Variants in CAVIN2 observed in about 807,000 individuals in gnomAD.
CAVIN2 encodes caveolae-associated protein 2.
CAVIN2 carries 13 observed loss-of-function variants against 11.7 expected under a neutral mutation model. The ratio of observed to expected loss-of-function variants is 1.11; its 90% confidence interval spans 0.72 to 1.77. The LOEUF (loss-of-function observed/expected upper bound fraction) is 1.77, where lower values mean the gene tolerates loss of function less well. Among genes scored for constraint, CAVIN2 ranks in the 40% most tolerant of loss-of-function variants. The pLI is 0.00. For missense variants in CAVIN2, 549 were observed against 542.9 expected (o/e 1.01, Z -0.11); for synonymous variants, 237 against 223.2 (o/e 1.06, Z -0.55).
Position 191,835,917 on chromosome 2 carries a change from C to G in CAVIN2, c.*6G>C. The stretch of plus-strand genomic sequence containing the variant: ...CACAGCACAGGATGGCACGGTGGCT[C>G]TAAGCTCAGGAGGTCTGGTGCACCT... On this transcript the variant is annotated 3_prime_UTR_variant, in exon 2 of 2. Transcript: ENST00000304141. The G allele has an allele frequency of 6.2e-7, 1 of 1,607,528 alleles. No individual in the cohort carries two copies. The highest frequency in any genetic ancestry group is 2.2e-5 in the East Asian group (1 of 44,844).
chr2:191,834,966 C>G lies in CAVIN2; in HGVS notation c.*957G>C, dbSNP rs1055230876. 6.6e-6 allele frequency: 1 copy of G among 151,938 alleles called. No individual in the cohort carries two copies. Among genetic ancestry groups the G allele is most frequent in the Non-Finnish European group, 1.5e-5 (1 of 67,924 alleles). 9.4% of individuals were successfully genotyped at this position (151,938 alleles called of 1,614,324 possible). ...TAATTGTATTTTGAAGATTTATATTCGTTCCAGTGTTAACAAGACAACATC... is the reference window on the plus strand; with the variant it reads ...TAATTGTATTTTGAAGATTTATATTGGTTCCAGTGTTAACAAGACAACATC... On this transcript the variant is annotated 3_prime_UTR_variant, in exon 2 of 2. Transcript: ENST00000304141.
intron 1 of CAVIN2, among the ~76,000 whole-genome samples, chr2:191,844,774 C>G (rs1690141232): frequency 6.6e-6 from 1 of 152,008 alleles, no homozygotes; most frequent in Non-Finnish European, 1.5e-5. Flanking sequence ...CTAGCATATC[C>G]TCTCCATCCC....
Position 191,835,395 on chromosome 2 carries a change from A to G in CAVIN2, c.*528T>C, listed in dbSNP as rs1689998017. The stretch of plus-strand genomic sequence containing the variant: ...AACAATGGTTTCTAGCAAGTAAACA[A>G]CCAACTGATCATCTCTTTTTACCTT... On this transcript the variant is annotated 3_prime_UTR_variant, in exon 2 of 2. Coordinates refer to ENST00000304141, the MANE Select transcript of CAVIN2 (RefSeq NM_004657.6). 6.6e-6 allele frequency: 1 copy of G among 152,448 alleles called. No homozygotes were observed. Among genetic ancestry groups the G allele is most frequent in the Non-Finnish European group, 1.5e-5 (1 of 68,214 alleles). The allele number at this position is 152,448 out of a possible 1,614,324, so 9.4% of individuals were successfully genotyped here.
At position 191,835,445 on chromosome 2, in the gene CAVIN2, A is replaced by G. The variant is rs1689998724; in HGVS notation, c.*478T>C. ...TTCGTAGATGTTTTCTTCTTAAAAC[A>G]TATAGTTATATGTTTAGCTTACATA... On this transcript the variant is annotated 3_prime_UTR_variant, in exon 2 of 2. Coordinates refer to ENST00000304141, the MANE Select transcript of CAVIN2 (RefSeq NM_004657.6). 6.5e-6 allele frequency: 1 copy of G among 153,200 alleles called. No individual in the cohort carries two copies. 9.5% of individuals were successfully genotyped at this position (153,200 alleles called of 1,614,324 possible). A position where few individuals can be genotyped will look rare whatever the true frequency, so the allele number is the denominator to read the frequency against.
At chr2:191,841,609 A>G (rs1690093813) in intron 1 of CAVIN2, among the ~76,000 whole-genome samples, 1 of 152,214 alleles carries the variant, frequency 6.6e-6, no homozygotes, top group Non-Finnish European at 1.5e-5. Context: ...AGTTGATTCC[A>G]TAGTGTACTG....
chr2:191,838,851 C>G (rs557378603), intron 1 of CAVIN2, among the ~76,000 whole-genome samples: 1 of 152,258 alleles, frequency 6.6e-6, no homozygotes, highest in Admixed American at 6.5e-5. Context: ...GGAGATTGCC[C>G]CTCTTTTGGG....
Position 191,836,003 on chromosome 2 carries a change from C to T in CAVIN2, c.1198G>A (p.Ala400Thr), listed in dbSNP as rs374664652. 1.2e-5 allele frequency: 19 copies of T among 1,614,098 alleles called. No homozygotes were observed. Among genetic ancestry groups the T allele is most frequent in the South Asian group, 1.1e-4 (10 of 91,092 alleles). ...AQKVRYEGSY[A>T]LTSEEAERSD... The stretch of plus-strand genomic sequence containing the variant: ...CGCTCCGCCTCCTCGGATGTTAGCG[C>T]GTAGCTACCCTCATAGCGTACCTTC... Residue 400 changes from alanine (A) to threonine (T), a missense_variant, in exon 2 of 2, where the codon GCG becomes ACG. Physicochemically the swap from Ala to Thr is moderately conservative, Grantham distance 58 (BLOSUM62 0). Coordinates refer to ENST00000304141, the MANE Select transcript of CAVIN2 (RefSeq NM_004657.6).
At chr2:191,837,395 G>C (rs1425155992) in intron 1 of CAVIN2, among the ~76,000 whole-genome samples, 1 of 152,196 alleles carries the variant, frequency 6.6e-6, no homozygotes. Flanking sequence ...GAGTTACTAA[G>C]CGGAGGTGAG....
rs745460697 is a variant in CAVIN2 at position 191,836,503 on chromosome 2, C to T, written c.698G>A (p.Arg233Lys). ...VEESRAEKIK[R>K]SSLKKVDSLK... ...GCTATCCACTTTCTTCAGGCTGGATCTTTTTATTTTCTCTGCCCTACTTTC... is the reference window on the plus strand; with the variant it reads ...GCTATCCACTTTCTTCAGGCTGGATTTTTTTATTTTCTCTGCCCTACTTTC... The change falls in exon 2 of 2, where the codon AGA (arginine) becomes AAA (lysine). Residue 233 changes from arginine (R) to lysine (K), a missense_variant. Transcript: ENST00000304141. 3 of 1,614,108 alleles carry T rather than the reference C, an allele frequency of 1.9e-6. No individual in the cohort carries two copies. The highest frequency in any genetic ancestry group is 2.5e-6 in the Non-Finnish European group (3 of 1,180,014).
At position 191,835,930 on chromosome 2, in the gene CAVIN2, G is replaced by A; in HGVS notation, c.1271C>T (p.Thr424Ile). The change falls in exon 2 of 2, where the codon ACC becomes ATC. Residue 424 changes from threonine to isoleucine, a missense_variant. Thr to Ile is a moderately conservative substitution (Grantham distance 89). Transcript: ENST00000304141. Reference sequence around the variant, plus strand: ...GGCACGGTGGCTCTAAGCTCAGGAGGTCTGGTGCACCTGGAGCACGGCGGG... The same window carrying A: ...GGCACGGTGGCTCTAAGCTCAGGAGATCTGGTGCACCTGGAGCACGGCGGG... ...VQPAVLQVHQ[T>I]S 1 of 1,611,232 alleles carries A rather than the reference G, an allele frequency of 6.2e-7. No individual in the cohort carries two copies. Among genetic ancestry groups the A allele is most frequent in the Non-Finnish European group, 8.5e-7 (1 of 1,179,396 alleles).
chr2:191,836,499 G>A lies in CAVIN2; in HGVS notation c.702C>T (p.Ser234=). ...TGAGGCTATCCACTTTCTTCAGGCT[G>A]GATCTTTTTATTTTCTCTGCCCTAC... ...EESRAEKIKR[S]SLKKVDSLKK... is the part of the protein sequence containing the mutation. Residue 234 remains serine, a synonymous_variant, in exon 2 of 2, where the codon TCC becomes TCT. Coordinates refer to ENST00000304141, the MANE Select transcript of CAVIN2 (RefSeq NM_004657.6). 1 of 1,614,100 alleles carries A rather than the reference G, an allele frequency of 6.2e-7. No homozygotes were observed. The highest frequency in any genetic ancestry group is 2.2e-5 in the East Asian group (1 of 44,878).
At chr2:191,840,568 T>C (rs1196527552) in intron 1 of CAVIN2, among the ~76,000 whole-genome samples, 6 of 152,198 alleles carry the variant, frequency 3.9e-5, no homozygotes, top group African/African-American at 1.2e-4. Context: ...AAAAGTAGCA[T>C]TTCTCCTTGT....
intron 1 of CAVIN2, among the ~76,000 whole-genome samples, chr2:191,843,183 CAAAGAAAAA>C (rs1275553139): frequency 6.6e-6 from 1 of 151,254 alleles, no homozygotes; most frequent in Non-Finnish European, 1.5e-5. Flanking sequence ...GACTCCGTCT[CAAAGAAAAA>C]AAAGAAAAAA....
intron 1 of CAVIN2, among the ~76,000 whole-genome samples, chr2:191,838,713 C>T (rs1041812980): frequency 1.3e-5 from 2 of 152,238 alleles, no homozygotes; most frequent in African/African-American, 4.8e-5. Flanking sequence ...GTGTACTCCC[C>T]ATGAGGGCAG....
At chr2:191,846,298 G>A (rs1690164087) in intron 1 of CAVIN2, 145 bp downstream of exon 1, 2 of 1,024,012 alleles carry the variant, frequency 2.0e-6, no homozygotes, top group Non-Finnish European at 2.8e-6. Flanking sequence ...TTTGCTTTCC[G>A]CAGGCAGACA....
intron 1 of CAVIN2, among the ~76,000 whole-genome samples, chr2:191,837,450 A>G (rs1442807647): frequency 6.6e-6 from 1 of 152,178 alleles, no homozygotes; most frequent in African/African-American, 2.4e-5. Flanking sequence ...TTATGCTGCC[A>G]GCCATAGTTT....
intron 1 of CAVIN2, among the ~76,000 whole-genome samples, chr2:191,839,212 G>T (rs1158598714): frequency 6.6e-6 from 1 of 152,166 alleles, no homozygotes; most frequent in Non-Finnish European, 1.5e-5. Flanking sequence ...GCAGAAAACT[G>T]TAAAAATAAT....
intron 1 of CAVIN2, among the ~76,000 whole-genome samples, chr2:191,843,940 T>C (rs866183495): frequency 2.7e-4 from 41 of 152,348 alleles, no homozygotes; most frequent in Middle Eastern, 6.8e-3. Flanking sequence ...TGAGTTTGAA[T>C]CCCAGTTTCA....
In CAVIN2 at chr2:191,836,213, C is replaced by A. The variant is rs758361743; in HGVS notation, c.988G>T (p.Glu330Ter). 6.2e-7 allele frequency: 1 copy of A among 1,614,124 alleles called. No homozygotes were observed. The highest frequency in any genetic ancestry group is 8.5e-7 in the Non-Finnish European group (1 of 1,180,040). ...SSEQMPNDQE[E>*]ESFAEGHSEA... is the part of the protein sequence containing the mutation. Reference sequence around the variant, plus strand: ...GAATGACCCTCTGCAAAGGACTCCTCTTCCTGGTCATTTGGCATCTGCTCA... The same window carrying A: ...GAATGACCCTCTGCAAAGGACTCCTATTCCTGGTCATTTGGCATCTGCTCA... Residue 330 changes from glutamate (E) to a stop codon, truncating the protein, a stop_gained, in exon 2 of 2, where the codon GAG becomes TAG. Coordinates refer to ENST00000304141, the MANE Select transcript of CAVIN2 (RefSeq NM_004657.6). LOFTEE classifies it low-confidence loss of function (END_TRUNC).
Sources: gnomAD v4.1 joint callset for allele counts (sites outside exome capture counted in the v4.1 genomes callset) on GRCh38, gnomAD v4.1.1 for gene constraint, MANE v1.5 for transcripts, NCBI Gene and HGNC (gene_info 2026-07-23, HGNC 2026-07-21) for gene names.